The following IFIT1B variants were observed in gnomAD, a reference collection of about 807,000 sequenced individuals.
IFIT1B encodes the protein protein IFIT1 homolog B.
Under a neutral mutation model 2.5 loss-of-function variants are expected in IFIT1B, and 3 were observed. The ratio of observed to expected loss-of-function variants is 1.21; its 90% confidence interval spans 0.55 to 3.14. IFIT1B has a LOEUF of 3.14. Ranked by LOEUF, IFIT1B falls within the 30% of genes most tolerant of loss-of-function variation. The probability of loss-of-function intolerance (pLI) is 0.03; values close to 1 mark genes in which losing one functional copy is unlikely to be tolerated. For synonymous variants in IFIT1B, 196 were observed against 203.0 expected, an observed-to-expected ratio of 0.97 and a Z score of 0.29; for missense variants, 545 against 556.5, an observed-to-expected ratio of 0.98 and a Z score of 0.21.
In IFIT1B at chr10:89,384,682, T is replaced by C; in HGVS notation, c.1369T>C (p.Leu457=). The stretch of plus-strand genomic sequence containing the variant: ...ATTGAAAGGAGAAGTAAGTGATGCT[T>C]TGCTGTGCTATGAGAGGGCTCTGAG... ...HKLKGEVSDA[L]LCYERALRLA... Residue 457 remains leucine (L), a synonymous_variant, in exon 2 of 2, where the codon TTG becomes CTG. Coordinates refer to ENST00000371809, the MANE Select transcript of IFIT1B (RefSeq NM_001010987.2). 6.2e-7 allele frequency: 1 copy of C among 1,614,216 alleles called. No individual in the cohort carries two copies. The highest frequency in any genetic ancestry group is 8.5e-7 in the Non-Finnish European group (1 of 1,180,030).
rs777855225 is a variant in IFIT1B at position 89,384,068 on chromosome 10, A to T, written c.755A>T (p.Tyr252Phe). ...EALTSISSQA[Y>F]VFQYAAKFYR... ...CTGACCAGTATATCTTCACAGGCCT[A>T]TGTCTTTCAATATGCAGCCAAGTTT... The change falls in exon 2 of 2, where the codon TAT becomes TTT. Residue 252 changes from tyrosine (Y) to phenylalanine (F), a missense_variant. Transcript: ENST00000371809. 2.2e-5 allele frequency: 35 copies of T among 1,614,094 alleles called. No individual in the cohort carries two copies. Among genetic ancestry groups the T allele is most frequent in the Non-Finnish European group, 2.9e-5 (34 of 1,180,044 alleles).
intron 1 of IFIT1B, among the ~76,000 whole-genome samples, chr10:89,381,418 A>T (rs1231954594): frequency 6.6e-6 from 1 of 152,166 alleles, no homozygotes; most frequent in Non-Finnish European, 1.5e-5. Flanking sequence ...ACACACCCCC[A>T]CACACAGGTT....
chr10:89,384,526 G>C lies in IFIT1B; in HGVS notation c.1213G>C (p.Gly405Arg). The C allele has an allele frequency of 6.2e-7, 1 of 1,613,982 alleles. No homozygotes were observed. Residue 405 changes from glycine to arginine, a missense_variant, in exon 2 of 2, where the codon GGT becomes CGT. Physicochemically the swap from Gly to Arg is moderately radical, Grantham distance 125. Coordinates refer to ENST00000371809, the MANE Select transcript of IFIT1B (RefSeq NM_001010987.2). Reference sequence around the variant, plus strand: ...TAAAGCAATTACCCATTATTTAAAAGGTTTGAAAATAGAAAAAATGTCCCA... The same window carrying C: ...TAAAGCAATTACCCATTATTTAAAACGTTTGAAAATAGAAAAAATGTCCCA... ...QDKAITHYLK[G>R]LKIEKMSHSR...
At chr10:89,381,115 G>T (rs933574751) in intron 1 of IFIT1B, among the ~76,000 whole-genome samples, 1 of 152,162 alleles carries the variant, frequency 6.6e-6, no homozygotes, top group Non-Finnish European at 1.5e-5. Context: ...TGTGCTGGGT[G>T]GGCTAGCAGC....
In IFIT1B at chr10:89,383,536, T is replaced by A. The variant is rs762170357; in HGVS notation, c.223T>A (p.Leu75Met). Residue 75 changes from leucine (L) to methionine (M), a missense_variant, in exon 2 of 2, where the codon TTG becomes ATG. Physicochemically the swap from Leu to Met is conservative, Grantham distance 15 (BLOSUM62 2). Transcript: ENST00000371809. ...KGQNEEALVS[L>M]KKAEDLIQKE... The stretch of plus-strand genomic sequence containing the variant: ...CCAGAATGAGGAAGCCCTGGTCAGC[T>A]TGAAAAAGGCTGAAGACTTAATTCA... 2 of 1,614,204 alleles carry A rather than the reference T, an allele frequency of 1.2e-6. No homozygotes were observed. The highest frequency in any genetic ancestry group is 2.2e-5 in the South Asian group (2 of 91,084).
chr10:89,382,211 A>G (rs1168302411), intron 1 of IFIT1B, among the ~76,000 whole-genome samples: 1 of 152,208 alleles, frequency 6.6e-6, no homozygotes, highest in Non-Finnish European at 1.5e-5. Flanking sequence ...ATACATTGCC[A>G]TATAGAGAGT....
Position 89,384,176 on chromosome 10 carries a change from A to G in IFIT1B, c.863A>G (p.His288Arg). Reference protein sequence around the residue: ...LETTPTSAFLHHQMGLCYRAQ... With the variant: ...LETTPTSAFLRHQMGLCYRAQ... ...ACAACACCCACTTCTGCCTTCCTGC[A>G]TCACCAAATGGGGCTTTGCTACAGG... Residue 288 changes from histidine (H) to arginine (R), a missense_variant, in exon 2 of 2, where the codon CAT (histidine) becomes CGT (arginine). His to Arg is a conservative substitution (Grantham distance 29). Coordinates refer to ENST00000371809, the MANE Select transcript of IFIT1B (RefSeq NM_001010987.2). 1.2e-6 allele frequency: 2 copies of G among 1,614,244 alleles called. No individual in the cohort carries two copies. The highest frequency in any genetic ancestry group is 8.5e-7 in the Non-Finnish European group (1 of 1,180,040).
rs1322720353 is a variant in IFIT1B, at chr10:89,385,142, G to A, written c.*404G>A. The A allele has an allele frequency of 6.2e-6, 1 of 162,170 alleles. No homozygotes were observed. The highest frequency in any genetic ancestry group is 2.4e-5 in the African/African-American group (1 of 41,664). 10.0% of individuals were successfully genotyped at this position (162,170 alleles called of 1,614,324 possible). On this transcript the variant is annotated 3_prime_UTR_variant, in exon 2 of 2. Coordinates refer to ENST00000371809, the MANE Select transcript of IFIT1B (RefSeq NM_001010987.2). ...GGAATGCTGACTCCAGTCATTAGGT[G>A]TCTGTATTTCCTGAGTGGTTACCCT...
chr10:89,378,142 TAAA>T lies in IFIT1B; in HGVS notation c.5+3_5+5del. 2 of 1,613,986 alleles carry T rather than the reference TAAA, an allele frequency of 1.2e-6. No homozygotes were observed. Among genetic ancestry groups the T allele is most frequent in the Non-Finnish European group, 1.7e-6 (2 of 1,179,916 alleles). On this transcript the variant is annotated splice_donor_5th_base_variant and intron_variant, in intron 1 of 1. Coordinates refer to ENST00000371809, the MANE Select transcript of IFIT1B (RefSeq NM_001010987.2). ...CTGCTATCTTCATAGCACCATGAGGTAAAGTCTTTCTCTGCTTCACTGACCTTA... is the reference window on the plus strand; with the variant it reads ...CTGCTATCTTCATAGCACCATGAGGTGTCTTTCTCTGCTTCACTGACCTTA...
Position 89,384,198 on chromosome 10 carries a change from C to T in IFIT1B, c.885C>T (p.Tyr295=). 6.2e-7 allele frequency: 1 copy of T among 1,614,118 alleles called. No individual in the cohort carries two copies. The highest frequency in any genetic ancestry group is 8.5e-7 in the Non-Finnish European group (1 of 1,180,016). ...TGCATCACCAAATGGGGCTTTGCTA[C>T]AGGGCACAAATGATCCAAATCAAGG... ...AFLHHQMGLC[Y]RAQMIQIKEA... The change falls in exon 2 of 2, where the codon TAC becomes TAT. Residue 295 remains tyrosine (Y), a synonymous_variant. Coordinates refer to ENST00000371809, the MANE Select transcript of IFIT1B (RefSeq NM_001010987.2).
intron 1 of IFIT1B, among the ~76,000 whole-genome samples, chr10:89,381,802 T>C (rs1276973483): frequency 2.0e-5 from 3 of 152,224 alleles, no homozygotes; most frequent in Admixed American, 2.0e-4. Flanking sequence ...ATTAATTTTT[T>C]TGAGACAGAG....
At position 89,383,607 on chromosome 10, in the gene IFIT1B, G is replaced by A. The variant is rs1021449497; in HGVS notation, c.294G>A (p.Trp98Ter). 1.2e-6 allele frequency: 2 copies of A among 1,614,098 alleles called. No homozygotes were observed. The highest frequency in any genetic ancestry group is 2.2e-5 in the East Asian group (1 of 44,898). ...CAGATATTAGAAGTCTGGTGACCTG[G>A]GGCAACTTTGCCTGGGTGTATTACC... is the stretch of plus-strand genomic sequence containing the variant. ...NQADIRSLVT[W>*]GNFAWVYYHM... The change falls in exon 2 of 2, where the codon TGG (tryptophan) becomes TGA (stop). Residue 98 changes from tryptophan to a stop codon, truncating the protein, a stop_gained. Transcript: ENST00000371809. LOFTEE classifies it low-confidence loss of function (END_TRUNC).
rs770261036 is a variant in IFIT1B at position 89,383,644 on chromosome 10, T to C, written c.331T>C (p.Leu111=). The C allele has an allele frequency of 5.0e-6, 8 of 1,614,076 alleles. No individual in the cohort carries two copies. In the Admixed American group the frequency reaches 5.0e-5, roughly 10 times the overall value. The change falls in exon 2 of 2, where the codon TTG becomes CTG. Residue 111 remains leucine, a synonymous_variant. Coordinates refer to ENST00000371809, the MANE Select transcript of IFIT1B (RefSeq NM_001010987.2). ...FAWVYYHMGR[L]AEAQTYLDKV... is the part of the protein sequence containing the mutation. ...CTGGGTGTATTACCACATGGGCAGA[T>C]TGGCAGAAGCCCAGACTTACCTGGA...
intron 1 of IFIT1B, among the ~76,000 whole-genome samples, chr10:89,379,903 C>T (rs983911131): frequency 2.6e-5 from 4 of 151,950 alleles, no homozygotes; most frequent in Non-Finnish European, 2.9e-5. Flanking sequence ...GGAGTGGTGG[C>T]GGGCGCCTGT....
Position 89,384,618 on chromosome 10 carries a change from G to T in IFIT1B, c.1305G>T (p.Arg435=). 1 of 1,614,178 alleles carries T rather than the reference G, an allele frequency of 6.2e-7. No individual in the cohort carries two copies. The highest frequency in any genetic ancestry group is 2.2e-5 in the East Asian group (1 of 44,890). ...AAAGATGTATTCACCAGAATGTACG[G>T]GTTGTGGAAAGTGTCAGCCTCCTTG... The part of the protein sequence containing the change: ...LAKRCIHQNV[R]VVESVSLLGL... Residue 435 remains arginine, a synonymous_variant, in exon 2 of 2, where the codon CGG becomes CGT. Coordinates refer to ENST00000371809, the MANE Select transcript of IFIT1B (RefSeq NM_001010987.2).
At position 89,378,108 on chromosome 10, in the gene IFIT1B, A is replaced by G; in HGVS notation, c.-28A>G. 6.2e-7 allele frequency: 1 copy of G among 1,613,646 alleles called. No individual in the cohort carries two copies. Among genetic ancestry groups the G allele is most frequent in the Non-Finnish European group, 8.5e-7 (1 of 1,179,574 alleles). On this transcript the variant is annotated 5_prime_UTR_variant, in exon 1 of 2. Transcript: ENST00000371809. Reference sequence around the variant, plus strand: ...GCCTCCAAGCCTGAACCAAAGCACTACAGATCACCTGCTATCTTCATAGCA... The same window carrying G: ...GCCTCCAAGCCTGAACCAAAGCACTGCAGATCACCTGCTATCTTCATAGCA...
chr10:89,383,745 G>A lies in IFIT1B; in HGVS notation c.432G>A (p.Glu144=), dbSNP rs909362712. ...TGGAGTGTCCAGAGGTGGACTGTGA[G>A]GAAGGATGGGCCTTGGCGAAGTGTG... ...YRMECPEVDC[E]EGWALAKCGG... Residue 144 remains glutamate, a synonymous_variant, in exon 2 of 2, where the codon GAG becomes GAA. Coordinates refer to ENST00000371809, the MANE Select transcript of IFIT1B (RefSeq NM_001010987.2). The A allele has an allele frequency of 7.4e-6, 12 of 1,614,090 alleles. No homozygotes were observed. In the African/African-American group the frequency reaches 1.6e-4, roughly 22 times the overall value.
chr10:89,384,746 G>C lies in IFIT1B; in HGVS notation c.*8G>C. On this transcript the variant is annotated 3_prime_UTR_variant, in exon 2 of 2. Transcript: ENST00000371809. Reference sequence around the variant, plus strand: ...CTGAACCCTATATTTTAACATAGAGGTCACCATTATCCATTTAATGGTCTT... The same window carrying C: ...CTGAACCCTATATTTTAACATAGAGCTCACCATTATCCATTTAATGGTCTT... The C allele has an allele frequency of 1.3e-6, 2 of 1,580,658 alleles. No individual in the cohort carries two copies. The highest frequency in any genetic ancestry group is 8.6e-7 in the Non-Finnish European group (1 of 1,160,652).
chr10:89,383,712 C>T lies in IFIT1B; in HGVS notation c.399C>T (p.Arg133=), dbSNP rs1435764120. 40 of 1,614,160 alleles carry T rather than the reference C, an allele frequency of 2.5e-5. No individual in the cohort carries two copies. Among genetic ancestry groups the T allele is most frequent in the Non-Finnish European group, 3.2e-5 (38 of 1,180,034 alleles). Residue 133 remains arginine (R), a synonymous_variant, in exon 2 of 2, where the codon CGC becomes CGT. Transcript: ENST00000371809. ...GCAAGAAGTTTGCAAATCCTTCCCG[C>T]TATAGAATGGAGTGTCCAGAGGTGG... The part of the protein sequence containing the change: ...NTCKKFANPS[R]YRMECPEVDC...
Sources: gnomAD v4.1 joint callset for allele counts (sites outside exome capture counted in the v4.1 genomes callset) on GRCh38, gnomAD v4.1.1 for gene constraint, MANE v1.5 for transcripts, NCBI Gene and HGNC (gene_info 2026-07-23, HGNC 2026-07-21) for gene names.